Variants in LRRTM4 observed in about 807,000 individuals in gnomAD.
LRRTM4 encodes leucine rich repeat transmembrane neuronal 4.
LRRTM4 carries 25 observed loss-of-function variants against 47.6 expected under a neutral mutation model. The observed-to-expected ratio is 0.53, with a 90% CI of 0.38 to 0.73. The LOEUF (loss-of-function observed/expected upper bound fraction) is 0.73, where lower values mean the gene tolerates loss of function less well. Among genes scored for constraint, LRRTM4 ranks in the 30% least tolerant of loss-of-function variants. The pLI, the probability that LRRTM4 is intolerant of heterozygous loss-of-function variation, is 0.00. For missense variants in LRRTM4, 638 were observed against 713.4 expected, an observed-to-expected ratio of 0.89 and a Z score of 1.20; for synonymous variants, 311 against 269.5, an observed-to-expected ratio of 1.15 and a Z score of -1.51.
intron 3 of LRRTM4, among the ~76,000 whole-genome samples, chr2:77,229,453 T>G (rs901974107): frequency 6.6e-6 from 1 of 152,168 alleles, no homozygotes; most frequent in African/African-American, 2.4e-5. Context: ...TAGTTCAACT[T>G]TAATAAATCC....
At chr2:76,780,741 A>G (rs937515376) in intron 3 of LRRTM4, among the ~76,000 whole-genome samples, 2 of 152,064 alleles carry the variant, frequency 1.3e-5, no homozygotes, top group Admixed American at 1.3e-4. Flanking sequence ...GATTGTCTGA[A>G]GTCTTCTTCT....
chr2:76,790,708 C>G (rs531088085), intron 3 of LRRTM4, among the ~76,000 whole-genome samples: 2 of 151,842 alleles, frequency 1.3e-5, no homozygotes, highest in African/African-American at 2.4e-5. Flanking sequence ...GACCCCCCCC[C>G]ACCACCTCAG....
At chr2:77,075,653 C>T (rs934795681) in intron 3 of LRRTM4, among the ~76,000 whole-genome samples, 1 of 151,872 alleles carries the variant, frequency 6.6e-6, no homozygotes, top group African/African-American at 2.4e-5. Context: ...CGGTGGCTCA[C>T]GCCTGTAATC....
At chr2:77,183,458 T>C (rs1004301123) in intron 3 of LRRTM4, among the ~76,000 whole-genome samples, 28 of 152,196 alleles carry the variant, frequency 1.8e-4, no homozygotes, top group Non-Finnish European at 3.5e-4. Flanking sequence ...TGTGGAGAAA[T>C]AGGAATACTT....
In LRRTM4 at chr2:77,161,198, A is replaced by G. The variant is rs572068484; in HGVS notation, c.1551+357120T>C. On this transcript the variant is annotated intron_variant, in intron 3 of 3. Coordinates refer to ENST00000409884, the MANE Select transcript of LRRTM4 (RefSeq NM_001134745.3). ...ATAGTAACCAGCAGTCACAAATGCT[A>G]TTGTGAAACCTAAGACTGGTCTTTG... 1.0e-3 allele frequency among the ~76,000 whole-genome samples: 159 copies of G among 152,258 alleles called. 2 individuals are homozygous for G. The highest frequency in any genetic ancestry group is 3.0e-3 in the African/African-American group (126 of 41,554).
chr2:76,820,344 A>G (rs1037468036), intron 3 of LRRTM4, among the ~76,000 whole-genome samples: 2 of 151,716 alleles, frequency 1.3e-5, no homozygotes, highest in African/African-American at 4.8e-5. Flanking sequence ...CTTTCACTAC[A>G]TCAAATTAGA....
intron 3 of LRRTM4, among the ~76,000 whole-genome samples, chr2:77,000,381 GT>G (rs1367339178): frequency 6.6e-6 from 1 of 152,114 alleles, no homozygotes; most frequent in Non-Finnish European, 1.5e-5. Flanking sequence ...AATTCAAAGG[GT>G]TACAATAAAT....
At chr2:76,873,237 T>A (rs1456081356) in intron 3 of LRRTM4, among the ~76,000 whole-genome samples, 2 of 151,898 alleles carry the variant, frequency 1.3e-5, no homozygotes, top group Non-Finnish European at 2.9e-5. Context: ...AATTGAATTA[T>A]CAAAAATTTT....
At chr2:77,365,791 T>A (rs1041454169) in intron 3 of LRRTM4, among the ~76,000 whole-genome samples, 4 of 151,126 alleles carry the variant, frequency 2.6e-5, no homozygotes, top group African/African-American at 9.7e-5. Flanking sequence ...ATTATATCTT[T>A]AAAGTAGCGT....
At chr2:77,246,543 A>T (rs895382029) in intron 3 of LRRTM4, among the ~76,000 whole-genome samples, 2 of 152,152 alleles carry the variant, frequency 1.3e-5, no homozygotes, top group African/African-American at 4.8e-5. Context: ...CAATAGCCAC[A>T]TGGGTTTAGA....
chr2:77,191,432 C>T (rs75675448), intron 3 of LRRTM4, among the ~76,000 whole-genome samples: 4,299 of 151,830 alleles, frequency 0.028, 81 homozygotes, highest in South Asian at 0.062. Context: ...ATTTGTTTCT[C>T]AAACTTTATT....
At chr2:76,782,513 A>G (rs572918402) in intron 3 of LRRTM4, among the ~76,000 whole-genome samples, 1 of 152,310 alleles carries the variant, frequency 6.6e-6, no homozygotes, top group Admixed American at 6.5e-5. Flanking sequence ...GGAGGTGACT[A>G]TGAATTATTA....
intron 3 of LRRTM4, among the ~76,000 whole-genome samples, chr2:76,968,310 T>C (rs1676095109): frequency 1.5e-5 from 2 of 136,526 alleles, no homozygotes; most frequent in South Asian, 4.6e-4. Context: ...ATAGGGTTGG[T>C]AAAATGTAAA....
intron 3 of LRRTM4, among the ~76,000 whole-genome samples, chr2:77,477,190 T>C (rs1677434757): frequency 6.6e-6 from 1 of 152,154 alleles, no homozygotes; most frequent in Admixed American, 6.6e-5. Flanking sequence ...ACGATCATGA[T>C]GAAATCATTA....
At chr2:77,164,597 A>G (rs913347815) in intron 3 of LRRTM4, among the ~76,000 whole-genome samples, 1 of 152,190 alleles carries the variant, frequency 6.6e-6, no homozygotes, top group African/African-American at 2.4e-5. Flanking sequence ...AAAGAACAGA[A>G]ATTATAACAA....
At chr2:76,824,355 G>C (rs1225782241) in intron 3 of LRRTM4, among the ~76,000 whole-genome samples, 1 of 151,466 alleles carries the variant, frequency 6.6e-6, no homozygotes, top group African/African-American at 2.4e-5. Context: ...TTTTTAACTT[G>C]TGTTTGTATC....
chr2:76,994,577 T>C (rs1677133176), intron 3 of LRRTM4, among the ~76,000 whole-genome samples: 1 of 151,898 alleles, frequency 6.6e-6, no homozygotes, highest in African/African-American at 2.4e-5. Flanking sequence ...GGCTAACCTA[T>C]TTGCTTGTAA....
chr2:76,911,734 T>C (rs889682595), intron 3 of LRRTM4, among the ~76,000 whole-genome samples: 5 of 151,594 alleles, frequency 3.3e-5, no homozygotes, highest in Admixed American at 2.0e-4. Flanking sequence ...TCAGTAGAAA[T>C]GGAATAGGCC....
At chr2:76,883,240 G>C (rs1420570686) in intron 3 of LRRTM4, among the ~76,000 whole-genome samples, 1 of 152,146 alleles carries the variant, frequency 6.6e-6, no homozygotes, top group Non-Finnish European at 1.5e-5. Context: ...CAGCCTACTT[G>C]TATTGTGTGT....
Sources: gnomAD v4.1 joint callset for allele counts (sites outside exome capture counted in the v4.1 genomes callset) on GRCh38, gnomAD v4.1.1 for gene constraint, MANE v1.5 for transcripts, NCBI Gene and HGNC (gene_info 2026-07-23, HGNC 2026-07-21) for gene names.